The following PRR27 variants were observed in gnomAD, a reference collection of about 807,000 sequenced individuals.
The protein encoded by PRR27 is proline-rich protein 27.
PRR27 carries 12 observed loss-of-function variants against 16.8 expected under a neutral mutation model. The observed-to-expected ratio is 0.71, with a 90% CI of 0.46 to 1.16. The LOEUF (loss-of-function observed/expected upper bound fraction) is 1.16, where lower values mean the gene tolerates loss of function less well. Among genes scored for constraint, PRR27 ranks in the 50% most tolerant of loss-of-function variants. PRR27 has a pLI of 0.00. For missense variants in PRR27, 277 were observed against 273.3 expected, an observed-to-expected ratio of 1.01 and a Z score of -0.10; for synonymous variants, 100 against 98.4, an observed-to-expected ratio of 1.02 and a Z score of -0.10.
At chr4:70,155,916 TC>T in intron 1 of PRR27, 137 bp from the exon 2 acceptor site, 1 of 586,694 alleles carries the variant, frequency 1.7e-6, no homozygotes, top group Non-Finnish European at 3.0e-6. Flanking sequence ...AAAAAAAAAT[TC>T]ATATTAGTTA....
At chr4:70,159,417 G>C (rs1284761157) in intron 3 of PRR27, among the ~76,000 whole-genome samples, 1 of 152,130 alleles carries the variant, frequency 6.6e-6, no homozygotes, top group Non-Finnish European at 1.5e-5. Context: ...CTTCCAAACT[G>C]GATGCATTTA....
chr4:70,161,236 C>T (rs1318106033), intron 3 of PRR27, among the ~76,000 whole-genome samples: 1 of 110,816 alleles, frequency 9.0e-6, no homozygotes, highest in Non-Finnish European at 1.8e-5. Flanking sequence ...ATATATATAC[C>T]TGTAGCTCAT....
At chr4:70,154,882 G>A (rs1030133609) in intron 1 of PRR27, 14 of 688,738 alleles carry the variant, frequency 2.0e-5, no homozygotes, top group South Asian at 1.7e-4. Context: ...ATAGTGTAAT[G>A]CAATGGCCTT....
In PRR27 at chr4:70,162,891, T is replaced by C. The variant is rs1383868833; in HGVS notation, c.*230T>C. 1.3e-5 allele frequency: 2 copies of C among 152,122 alleles called. No individual in the cohort carries two copies. The highest frequency in any genetic ancestry group is 4.8e-5 in the African/African-American group (2 of 41,432). 9.4% of individuals were successfully genotyped at this position (152,122 alleles called of 1,614,324 possible). The stretch of plus-strand genomic sequence containing the variant: ...ATAATTTAGACCAATGGTGATAAGG[T>C]CTGGATGAAAACTACGCTATGGAGG... On this transcript the variant is annotated 3_prime_UTR_variant, in exon 5 of 5. Transcript: ENST00000344526.
Position 70,163,539 on chromosome 4 carries a change from C to T in PRR27, c.*878C>T, listed in dbSNP as rs1728692797. The T allele has an allele frequency of 6.6e-6, 1 of 152,402 alleles. No individual in the cohort carries two copies. 9.4% of individuals were successfully genotyped at this position (152,402 alleles called of 1,614,324 possible). On this transcript the variant is annotated 3_prime_UTR_variant, in exon 5 of 5. Transcript: ENST00000344526. ...ATGTTGGCCAGGATGGTCTTGATCTCCTGACCTCATGATCTGTCCGCCTCG... is the reference window on the plus strand; with the variant it reads ...ATGTTGGCCAGGATGGTCTTGATCTTCTGACCTCATGATCTGTCCGCCTCG...
chr4:70,161,411 T>C (rs1328458437), intron 3 of PRR27, among the ~76,000 whole-genome samples, 175 bp from the exon 4 acceptor site: 2 of 151,432 alleles, frequency 1.3e-5, no homozygotes, highest in East Asian at 1.9e-4. Context: ...ACCAGTTCTC[T>C]GTTTCAGAAA....
At position 70,164,434 on chromosome 4, in the gene PRR27, G is replaced by C. The variant is rs1241582319; in HGVS notation, c.*1773G>C. 1 of 152,050 alleles carries C rather than the reference G, an allele frequency of 6.6e-6. No individual in the cohort carries two copies. The highest frequency in any genetic ancestry group is 1.5e-5 in the Non-Finnish European group (1 of 67,988). The allele number at this position is 152,050 out of a possible 1,614,324, so 9.4% of individuals were successfully genotyped here. On this transcript the variant is annotated 3_prime_UTR_variant, in exon 5 of 5. Transcript: ENST00000344526. ...ATATTACTGTTATGTATAGCCATGAGGACATGGTCTCAAAAAATGAGAAAC... is the reference window on the plus strand; with the variant it reads ...ATATTACTGTTATGTATAGCCATGACGACATGGTCTCAAAAAATGAGAAAC...
Position 70,158,816 on chromosome 4 carries a change from A to C in PRR27, c.564A>C (p.Pro188=), listed in dbSNP as rs1474757953. The C allele has an allele frequency of 6.2e-7, 1 of 1,613,760 alleles. No homozygotes were observed. Among genetic ancestry groups the C allele is most frequent in the Admixed American group, 1.7e-5 (1 of 60,012 alleles). The change falls in exon 3 of 5, where the codon CCA becomes CCC. Residue 188 remains proline, a synonymous_variant. Transcript: ENST00000344526. The part of the protein sequence containing the change: ...PAAEAPVGVE[P]AAEEPSPAEP... The stretch of plus-strand genomic sequence containing the variant: ...CAGAGGCACCTGTTGGAGTGGAGCC[A>C]GCTGCAGAGGAACCTTCACCAGCTG...
At chr4:70,158,260 G>T in intron 2 of PRR27, 68 bp from the exon 3 acceptor site, 1 of 980,492 alleles carries the variant, frequency 1.0e-6, no homozygotes, top group Non-Finnish European at 1.6e-6. Flanking sequence ...TATCATCACA[G>T]TTGTACCATA....
At position 70,164,132 on chromosome 4, in the gene PRR27, T is replaced by C. The variant is rs1728710630; in HGVS notation, c.*1471T>C. The C allele has an allele frequency of 6.6e-6, 1 of 152,158 alleles. No individual in the cohort carries two copies. Among genetic ancestry groups the C allele is most frequent in the African/African-American group, 2.4e-5 (1 of 41,440 alleles). The allele number at this position is 152,158 out of a possible 1,614,324, so 9.4% of individuals were successfully genotyped here. A position where few individuals can be genotyped will look rare whatever the true frequency, so the allele number is the denominator to read the frequency against. The stretch of plus-strand genomic sequence containing the variant: ...TACTGCTTTTTACCTTTTTATTTAT[T>C]TGTGTATTGTCTTTGTTGTTGCCCT... On this transcript the variant is annotated 3_prime_UTR_variant, in exon 5 of 5. Coordinates refer to ENST00000344526, the MANE Select transcript of PRR27 (RefSeq NM_214711.4).
At chr4:70,155,745 A>G (rs915674916) in intron 1 of PRR27, among the ~76,000 whole-genome samples, 6 of 152,262 alleles carry the variant, frequency 3.9e-5, no homozygotes, top group African/African-American at 1.4e-4. Context: ...TAAAAAGTGA[A>G]TAGCAAAATC....
At chr4:70,154,887 G>A in intron 1 of PRR27, 1 of 631,186 alleles carries the variant, frequency 1.6e-6, no homozygotes, top group Non-Finnish European at 2.5e-6. Flanking sequence ...GTAATGCAAT[G>A]GCCTTTAGTG....
At chr4:70,162,636 T>C (rs1728675067) in intron 4 of PRR27, 59 bp from the exon 5 acceptor site, 1 of 152,206 alleles carries the variant, frequency 6.6e-6, no homozygotes, top group Non-Finnish European at 1.5e-5. Flanking sequence ...AATTTTGCTT[T>C]AAGTGTGAGT....
intron 1 of PRR27, 148 bp from the exon 2 acceptor site, chr4:70,155,905 TA>T (rs369145230): frequency 9.2e-4 from 521 of 565,494 alleles, no homozygotes; most frequent in African/African-American, 3.6e-3. Flanking sequence ...ATGACGATGA[TA>T]AAAAAAAATT....
At chr4:70,156,543 A>G (rs1171504941) in intron 2 of PRR27, among the ~76,000 whole-genome samples, 1 of 152,206 alleles carries the variant, frequency 6.6e-6, no homozygotes, top group Non-Finnish European at 1.5e-5. Context: ...GTGTGTCCCA[A>G]TGAGTTAGAT....
At chr4:70,161,122 A>T (rs1728635309) in intron 3 of PRR27, among the ~76,000 whole-genome samples, 1 of 142,654 alleles carries the variant, frequency 7.0e-6, no homozygotes, top group Non-Finnish European at 1.5e-5. Flanking sequence ...ATTTGACACA[A>T]GCACTTTCCA....
Position 70,156,052 on chromosome 4 carries a change from A to G in PRR27, c.52-2A>G, listed in dbSNP as rs368669259. On this transcript the variant is annotated splice_acceptor_variant, in intron 1 of 4. Coordinates refer to ENST00000344526, the MANE Select transcript of PRR27 (RefSeq NM_214711.4). LOFTEE classifies it high-confidence loss of function. ...ATTAAAATATATTTTTCTTTATTTT[A>G]GAGACGGTTCCCCTTCATTGGTGAG... 8 of 1,435,824 alleles carry G rather than the reference A, an allele frequency of 5.6e-6. No homozygotes were observed. Among genetic ancestry groups the G allele is most frequent in the South Asian group, 5.5e-5 (4 of 73,236 alleles). The allele number at this position is 1,435,824 out of a possible 1,614,324, so 88.9% of individuals were successfully genotyped here. A position where few individuals can be genotyped will look rare whatever the true frequency, so the allele number is the denominator to read the frequency against.
At chr4:70,160,589 T>C (rs1728624722) in intron 3 of PRR27, among the ~76,000 whole-genome samples, 1 of 152,016 alleles carries the variant, frequency 6.6e-6, no homozygotes, top group Admixed American at 6.6e-5. Context: ...CAGCCTGATA[T>C]TTAGATCTTG....
Position 70,163,600 on chromosome 4 carries a change from C to A in PRR27, c.*939C>A, listed in dbSNP as rs1301400349. ...GTGCTGGGAATACAGGCGTGAGCCACCGTGCCCTGCCAGAATAGCCTATTA... is the reference window on the plus strand; with the variant it reads ...GTGCTGGGAATACAGGCGTGAGCCAACGTGCCCTGCCAGAATAGCCTATTA... On this transcript the variant is annotated 3_prime_UTR_variant, in exon 5 of 5. Transcript: ENST00000344526. The A allele has an allele frequency of 6.6e-6, 1 of 152,612 alleles. No individual in the cohort carries two copies. Among genetic ancestry groups the A allele is most frequent in the Non-Finnish European group, 1.5e-5 (1 of 68,426 alleles). 9.5% of individuals were successfully genotyped at this position (152,612 alleles called of 1,614,324 possible). A position where few individuals can be genotyped will look rare whatever the true frequency, so the allele number is the denominator to read the frequency against.
Sources: allele counts gnomAD v4.1 joint callset (sites outside exome capture counted in the v4.1 genomes callset), GRCh38; gene constraint gnomAD v4.1.1; transcripts MANE v1.5; gene names NCBI Gene and HGNC (gene_info 2026-07-23, HGNC 2026-07-21).